The following TPRG1 variants were observed in gnomAD, a reference collection of about 807,000 sequenced individuals.
The protein encoded by TPRG1 is tumor protein p63 regulated 1.
TPRG1 carries 29 observed loss-of-function variants against 29.3 expected under a neutral mutation model. The ratio of observed to expected loss-of-function variants is 0.99; its 90% CI spans 0.74 to 1.35. The LOEUF (loss-of-function observed/expected upper bound fraction) is 1.35. Ranked by LOEUF, TPRG1 falls within the 40% of genes most tolerant of loss-of-function variation. The probability of loss-of-function intolerance (pLI) is 0.00; values close to 1 mark genes in which losing one functional copy is unlikely to be tolerated. For missense variants in TPRG1, 327 were observed against 335.0 expected (o/e 0.98, Z 0.19); for synonymous variants, 130 against 116.8 (o/e 1.11, Z -0.73).
intron 5 of TPRG1, among the ~76,000 whole-genome samples, chr3:189,155,337 G>A (rs1381522107): frequency 6.6e-6 from 1 of 152,148 alleles, no homozygotes; most frequent in African/African-American, 2.4e-5. Context: ...CAGCTGTGGA[G>A]GTACTGAAAA....
chr3:189,185,268 G>T (rs1335451142), intron 1 of TPRG1, among the ~76,000 whole-genome samples: 1 of 151,930 alleles, frequency 6.6e-6, no homozygotes, highest in African/African-American at 2.4e-5. Flanking sequence ...CAGGCTGGCT[G>T]GCAGGAGTGC....
intron 3 of TPRG1, chr3:189,217,882 C>G (rs1047013161): frequency 1.0e-6 from 1 of 985,132 alleles, no homozygotes; most frequent in African/African-American, 1.7e-5. Flanking sequence ...TCTAGCACAC[C>G]AAGGCAGGGA....
intron 4 of TPRG1, among the ~76,000 whole-genome samples, chr3:189,270,819 G>C (rs1714998194): frequency 6.6e-6 from 1 of 152,084 alleles, no homozygotes; most frequent in Non-Finnish European, 1.5e-5. Context: ...GCTAGCCAGT[G>C]CTTTACCTGA....
chr3:189,038,886 TGA>T (rs1263664233), intron 4 of TPRG1, among the ~76,000 whole-genome samples: 2 of 151,120 alleles, frequency 1.3e-5, no homozygotes, highest in African/African-American at 2.4e-5. Context: ...TCATAAGTAA[TGA>T]GAGAGCTATA....
At chr3:189,183,222 C>A (rs184926575) in intron 1 of TPRG1, among the ~76,000 whole-genome samples, 5 of 152,020 alleles carry the variant, frequency 3.3e-5, no homozygotes, top group African/African-American at 4.8e-5. Context: ...CATGATGCCC[C>A]GCAAGCCACA....
At position 189,044,668 on chromosome 3, in the gene TPRG1, AAAGGGG is replaced by A. The variant is rs371283224; in HGVS notation, c.-463+20725_-463+20730del. 8.3e-4 allele frequency among the ~76,000 whole-genome samples: 126 copies of A among 152,316 alleles called. 1 individual carries two copies. The highest frequency in any genetic ancestry group is 2.6e-3 in the African/African-American group (110 of 41,580). On this transcript the variant is annotated intron_variant, in intron 4 of 10. Coordinates refer to the TPRG1 transcript ENST00000433971. ...GGTTAAGAAGAGCATAAGCAAGGGC[AAAGGGG>A]AACTATGATGTACAGCAAAGAGCAA...
chr3:189,021,980 T>C (rs535619816), intron 3 of TPRG1, among the ~76,000 whole-genome samples: 1 of 152,328 alleles, frequency 6.6e-6, no homozygotes, highest in East Asian at 1.9e-4. Flanking sequence ...ATTTCATTCA[T>C]TTCATCTTCC....
intron 1 of TPRG1, among the ~76,000 whole-genome samples, chr3:189,112,250 C>G: frequency 6.6e-6 from 1 of 152,120 alleles, no homozygotes; most frequent in Non-Finnish European, 1.5e-5. Flanking sequence ...AGATATTGGT[C>G]TATAATTTTC....
intron 4 of TPRG1, among the ~76,000 whole-genome samples, chr3:189,308,855 C>T (rs1279852018): frequency 6.6e-6 from 1 of 151,920 alleles, no homozygotes; most frequent in Non-Finnish European, 1.5e-5. Context: ...GCTCCATTTA[C>T]CAGCACTCAT....
chr3:189,068,319 C>A (rs1008027694), intron 4 of TPRG1, among the ~76,000 whole-genome samples: 1 of 152,126 alleles, frequency 6.6e-6, no homozygotes, highest in Admixed American at 6.5e-5. Flanking sequence ...GGGTAGATAT[C>A]TAAAGGAAAT....
chr3:189,209,919 C>G (rs1734998543), intron 2 of TPRG1, among the ~76,000 whole-genome samples: 1 of 152,020 alleles, frequency 6.6e-6, no homozygotes, highest in African/African-American at 2.4e-5. Context: ...TTCAGACCAA[C>G]AAACATAGTA....
intron 4 of TPRG1, among the ~76,000 whole-genome samples, chr3:189,276,890 T>G (rs990582142): frequency 6.6e-5 from 10 of 152,146 alleles, no homozygotes; most frequent in Admixed American, 2.6e-4. Flanking sequence ...TCTTTTTTTT[T>G]TAGTTAGTGG....
chr3:189,200,551 G>T (rs895563134), intron 1 of TPRG1, among the ~76,000 whole-genome samples: 5 of 152,140 alleles, frequency 3.3e-5, no homozygotes, highest in Admixed American at 2.6e-4. Flanking sequence ...TTGACTACAC[G>T]CAGGCCACAG....
chr3:189,073,158 T>A (rs1716910058), intron 4 of TPRG1, among the ~76,000 whole-genome samples: 1 of 152,210 alleles, frequency 6.6e-6, no homozygotes, highest in African/African-American at 2.4e-5. Context: ...TTTTAAGAGC[T>A]TTCATAGACA....
chr3:189,017,205 CT>C (rs60175852), intron 3 of TPRG1, among the ~76,000 whole-genome samples: 137,751 of 145,226 alleles, frequency 0.95, 65,581 homozygotes, highest in Non-Finnish European at 0.99. Context: ...CTCTGAGATT[CT>C]TTTTTTTTTT....
chr3:189,310,963 A>C (rs113634828), intron 5 of TPRG1, among the ~76,000 whole-genome samples: 1 of 152,180 alleles, frequency 6.6e-6, no homozygotes, highest in Non-Finnish European at 1.5e-5. Flanking sequence ...TCTAAAATGA[A>C]GATAATGAGC....
At chr3:189,242,221 A>G (rs1740729330) in intron 4 of TPRG1, among the ~76,000 whole-genome samples, 1 of 152,042 alleles carries the variant, frequency 6.6e-6, no homozygotes, top group Non-Finnish European at 1.5e-5. Context: ...ATAATGTAGT[A>G]CTTTTCTCTG....
At chr3:189,061,541 A>G (rs1456113945) in intron 4 of TPRG1, among the ~76,000 whole-genome samples, 1 of 152,246 alleles carries the variant, frequency 6.6e-6, no homozygotes, top group Non-Finnish European at 1.5e-5. Context: ...CAAACATTGC[A>G]TCTGACAAAG....
chr3:189,234,473 C>G (rs1739137498), intron 3 of TPRG1, among the ~76,000 whole-genome samples: 1 of 152,182 alleles, frequency 6.6e-6, no homozygotes, highest in African/African-American at 2.4e-5. Context: ...CGGAAGGATA[C>G]CGCAGGTAAC....
Sources: allele counts gnomAD v4.1 joint callset (sites outside exome capture counted in the v4.1 genomes callset), GRCh38; gene constraint gnomAD v4.1.1; transcripts MANE v1.5; gene names NCBI Gene and HGNC (gene_info 2026-07-23, HGNC 2026-07-21).